Variants in ARHGAP15 observed in about 807,000 individuals in gnomAD.
ARHGAP15 encodes the protein Rho GTPase activating protein 15, also known as rho GTPase-activating protein 15.
A neutral mutation model predicts 63.7 loss-of-function variants in ARHGAP15; 51 were observed. The observed-to-expected ratio is 0.80, with a 90% CI of 0.64 to 1.01. ARHGAP15 has a LOEUF of 1.01. ARHGAP15 is among the 50% of genes least tolerant of loss of function. ARHGAP15 has a pLI of 0.00. For missense variants in ARHGAP15, 560 were observed against 564.6 expected (o/e 0.99, Z 0.08); for synonymous variants, 191 against 193.8 (o/e 0.99, Z 0.12).
chr2:143,699,724 G>A (rs763010543), intron 12 of ARHGAP15, among the ~76,000 whole-genome samples: 15 of 152,192 alleles, frequency 9.9e-5, no homozygotes, highest in Non-Finnish European at 2.1e-4. Flanking sequence ...CAACCAAATA[G>A]TATGCTAACT....
chr2:143,611,509 G>A (rs1428039016), intron 11 of ARHGAP15, among the ~76,000 whole-genome samples: 2 of 152,174 alleles, frequency 1.3e-5, no homozygotes, highest in Non-Finnish European at 2.9e-5. Flanking sequence ...TGCAGATAAA[G>A]TACCAAGCAC....
At chr2:143,139,803 T>C (rs1270684866) in intron 1 of ARHGAP15, among the ~76,000 whole-genome samples, 1 of 152,084 alleles carries the variant, frequency 6.6e-6, no homozygotes, top group African/African-American at 2.4e-5. Flanking sequence ...ATAGTAGTGG[T>C]ATTAAAAGCA....
At chr2:143,510,785 C>T (rs899827684) in intron 9 of ARHGAP15, among the ~76,000 whole-genome samples, 1 of 152,192 alleles carries the variant, frequency 6.6e-6, no homozygotes, top group Non-Finnish European at 1.5e-5. Context: ...TTTTCTGCTT[C>T]GCTCTGTGTT....
intron 12 of ARHGAP15, among the ~76,000 whole-genome samples, chr2:143,702,753 A>G (rs1684147162): frequency 6.6e-6 from 1 of 152,044 alleles, no homozygotes; most frequent in Non-Finnish European, 1.5e-5. Context: ...AATTCCTTAG[A>G]AAGCAGCCCC....
At chr2:143,566,385 C>G (rs1696223014) in intron 11 of ARHGAP15, among the ~76,000 whole-genome samples, 1 of 152,070 alleles carries the variant, frequency 6.6e-6, no homozygotes, top group Non-Finnish European at 1.5e-5. Context: ...AAAGAGCTCC[C>G]ACTAGATGCC....
intron 2 of ARHGAP15, among the ~76,000 whole-genome samples, chr2:143,194,027 A>G (rs2105095806): frequency 6.6e-6 from 1 of 152,356 alleles, no homozygotes; most frequent in Non-Finnish European, 1.5e-5. Flanking sequence ...GAATTTCCAG[A>G]CAGTTAAACA....
intron 12 of ARHGAP15, among the ~76,000 whole-genome samples, chr2:143,661,956 C>A (rs1681817942): frequency 6.6e-6 from 1 of 152,216 alleles, no homozygotes; most frequent in Non-Finnish European, 1.5e-5. Flanking sequence ...GCACAGCAGT[C>A]TGAGACCAAA....
At chr2:143,329,105 T>C (rs1425397086) in intron 6 of ARHGAP15, among the ~76,000 whole-genome samples, 1 of 152,262 alleles carries the variant, frequency 6.6e-6, no homozygotes, top group African/African-American at 2.4e-5. Flanking sequence ...AACTTTACTA[T>C]GCTCAAGTAA....
intron 6 of ARHGAP15, among the ~76,000 whole-genome samples, chr2:143,282,371 TAATAG>T (rs1206256226): frequency 1.8e-4 from 28 of 152,166 alleles, no homozygotes; most frequent in South Asian, 1.5e-3. Context: ...AAAAGAGGTT[TAATAG>T]ACTTACAGTT....
chr2:143,405,776 A>G (rs954359377), intron 6 of ARHGAP15, among the ~76,000 whole-genome samples: 1 of 151,926 alleles, frequency 6.6e-6, no homozygotes, highest in African/African-American at 2.4e-5. Context: ...CATTTCTACC[A>G]GGACCCTAGA....
chr2:143,302,123 C>T (rs147918258), intron 6 of ARHGAP15, among the ~76,000 whole-genome samples: 57 of 152,018 alleles, frequency 3.7e-4, no homozygotes, highest in African/African-American at 1.2e-3. Context: ...GCCAAATAGA[C>T]GTAACCTCTT....
At chr2:143,447,920 A>T (rs1322930179) in intron 8 of ARHGAP15, among the ~76,000 whole-genome samples, 1 of 152,170 alleles carries the variant, frequency 6.6e-6, no homozygotes, top group Non-Finnish European at 1.5e-5. Context: ...CTCCAGAAGC[A>T]GTCCCTGAGA....
chr2:143,630,552 A>C (rs569298880), intron 12 of ARHGAP15, among the ~76,000 whole-genome samples: 1 of 152,224 alleles, frequency 6.6e-6, no homozygotes, highest in East Asian at 1.9e-4. Context: ...TCATAACTCT[A>C]GATAATATCT....
chr2:143,378,733 A>G (rs1686921596), intron 6 of ARHGAP15, among the ~76,000 whole-genome samples: 1 of 152,070 alleles, frequency 6.6e-6, no homozygotes, highest in African/African-American at 2.4e-5. Context: ...CAGAGATTCT[A>G]GAAAGAGAAG....
Position 143,337,229 on chromosome 2 carries a change from C to T in ARHGAP15, c.474+86629C>T, listed in dbSNP as rs116908962. Among the ~76,000 whole-genome samples the T allele has an allele frequency of 1.9e-4, 28 of 144,256 alleles. No homozygotes were observed. The East Asian group carries it at 4.6e-3, about 24-fold the overall frequency. 94.6% of individuals were successfully genotyped at this position (144,256 alleles called of 152,430 possible). On this transcript the variant is annotated intron_variant, in intron 6 of 13. Transcript: ENST00000295095. The stretch of plus-strand genomic sequence containing the variant: ...TTTGAGGACTTCCCAACTTGCTGGT[C>T]TAGCTGGAGAGAAAGAGCAGAAGAA...
At chr2:143,682,565 C>T (rs1683153203) in intron 12 of ARHGAP15, 1 of 152,170 alleles carries the variant, frequency 6.6e-6, no homozygotes, top group South Asian at 2.1e-4. Context: ...CGCACACACA[C>T]ATTCCAGCAG....
At position 143,523,618 on chromosome 2, in the gene ARHGAP15, A is replaced by G. The variant is rs550839488; in HGVS notation, c.925+4254A>G. Among the ~76,000 whole-genome samples, 6 of 152,228 alleles carry G rather than the reference A, an allele frequency of 3.9e-5. No homozygotes were observed. The South Asian group carries it at 6.2e-4, about 16-fold the overall frequency. On this transcript the variant is annotated intron_variant, in intron 10 of 13. Coordinates refer to ENST00000295095, the MANE Select transcript of ARHGAP15 (RefSeq NM_018460.4). ...AGTAGTGTTAACTAGATAAATGAGC[A>G]TATTTCTACCCTAAAGATATTTTTA...
intron 4 of ARHGAP15, among the ~76,000 whole-genome samples, chr2:143,223,806 C>T (rs765648295): frequency 6.6e-6 from 1 of 152,194 alleles, no homozygotes; most frequent in Non-Finnish European, 1.5e-5. Flanking sequence ...CATGGAGACA[C>T]TGGAGTGAGC....
At chr2:143,353,493 A>G (rs1685666873) in intron 6 of ARHGAP15, among the ~76,000 whole-genome samples, 2 of 152,150 alleles carry the variant, frequency 1.3e-5, no homozygotes, top group South Asian at 4.1e-4. Flanking sequence ...CATGGTGTGA[A>G]GGTGGTTTTG....
Sources: gnomAD v4.1 joint callset for allele counts (sites outside exome capture counted in the v4.1 genomes callset) on GRCh38, gnomAD v4.1.1 for gene constraint, MANE v1.5 for transcripts, NCBI Gene and HGNC (gene_info 2026-07-23, HGNC 2026-07-21) for gene names.